CNTNAP3: variants seen among roughly 807,000 people sequenced by gnomAD.
CNTNAP3 encodes the protein contactin-associated protein-like 3.
CNTNAP3 carries 36 observed loss-of-function variants against 92.1 expected under a neutral mutation model. The observed-to-expected ratio is 0.39, with a 90% confidence interval of 0.30 to 0.52. The LOEUF is 0.52. Ranked by LOEUF, CNTNAP3 falls within the 20% of genes least tolerant of loss-of-function variation. CNTNAP3 has a pLI of 0.76. For missense variants in CNTNAP3, 534 were observed against 1,069.6 expected, an observed-to-expected ratio of 0.50 and a Z score of 6.98; for synonymous variants, 232 against 422.3, an observed-to-expected ratio of 0.55 and a Z score of 5.53.
intron 14 of CNTNAP3, among the ~76,000 whole-genome samples, chr9:39,117,021 C>T (rs1461740979): frequency 1.3e-5 from 2 of 151,846 alleles, no homozygotes; most frequent in Non-Finnish European, 2.9e-5. Context: ...GAGGTGGAGT[C>T]TTGCTCTGTC....
intron 18 of CNTNAP3, among the ~76,000 whole-genome samples, chr9:39,097,762 G>T (rs1826359889): frequency 6.9e-6 from 1 of 145,396 alleles, no homozygotes; most frequent in Admixed American, 6.8e-5. Flanking sequence ...GGGAGGTGCT[G>T]GGAGAGGGTC....
chr9:39,105,358 C>T (rs1410128179), intron 15 of CNTNAP3, among the ~76,000 whole-genome samples: 1 of 152,120 alleles, frequency 6.6e-6, no homozygotes, highest in Non-Finnish European at 1.5e-5. Flanking sequence ...ACCCGGGAGG[C>T]GGAGCTTGCA....
intron 23 of CNTNAP3, among the ~76,000 whole-genome samples, chr9:39,077,799 T>C (rs1361395752): frequency 6.6e-6 from 1 of 152,208 alleles, no homozygotes; most frequent in Non-Finnish European, 1.5e-5. Context: ...ATTTTCAAAT[T>C]AATAACTTTT....
chr9:39,134,010 A>G (rs1361642517), intron 12 of CNTNAP3, among the ~76,000 whole-genome samples: 1 of 152,226 alleles, frequency 6.6e-6, no homozygotes, highest in Non-Finnish European at 1.5e-5. Flanking sequence ...AAGAACTACG[A>G]AACAAAACAA....
intron 13 of CNTNAP3, among the ~76,000 whole-genome samples, chr9:39,121,607 G>T (rs1429060607): frequency 2.6e-5 from 4 of 152,162 alleles, no homozygotes; most frequent in Non-Finnish European, 5.9e-5. Context: ...TCTGGTAAAA[G>T]CACTTAGAAT....
intron 9 of CNTNAP3, 81 bp from the exon 10 acceptor site, chr9:39,150,058 G>T: frequency 1.0e-6 from 1 of 957,104 alleles, no homozygotes; most frequent in Non-Finnish European, 1.5e-6. Flanking sequence ...GAAGACTGCT[G>T]CTCCCGCTTG....
intron 21 of CNTNAP3, among the ~76,000 whole-genome samples, chr9:39,081,659 A>T (rs1202745071): frequency 6.6e-6 from 1 of 152,040 alleles, no homozygotes; most frequent in African/African-American, 2.4e-5. Flanking sequence ...AAGTCATGCC[A>T]AATAGACAGA....
In CNTNAP3 at chr9:39,069,769, C is replaced by T. The variant is rs1235229117; in HGVS notation, c.*4121G>A. Among the ~76,000 whole-genome samples the T allele has an allele frequency of 6.6e-6, 1 of 152,306 alleles. No homozygotes were observed. Among genetic ancestry groups the T allele is most frequent in the Non-Finnish European group, 1.5e-5 (1 of 68,054 alleles). ...CTTAAACCGTGAGTGGCTGTTCTGA[C>T]AACACATCAGCAATGAACTTAGCCT... On this transcript the variant is annotated 3_prime_UTR_variant, in exon 24 of 24. Transcript: ENST00000297668.
intron 14 of CNTNAP3, chr9:39,117,830 T>C: frequency 2.1e-6 from 1 of 476,894 alleles, no homozygotes; most frequent in Non-Finnish European, 3.7e-6. Flanking sequence ...GAGAATGATA[T>C]TTGATTTCCA....
chr9:39,138,575 C>T (rs191475042), intron 12 of CNTNAP3, among the ~76,000 whole-genome samples: 85 of 152,318 alleles, frequency 5.6e-4, no homozygotes, highest in African/African-American at 1.9e-3. Flanking sequence ...CAAGATGGTT[C>T]CTTTTCACCT....
At chr9:39,110,920 A>C (rs1268534962) in intron 14 of CNTNAP3, among the ~76,000 whole-genome samples, 1 of 152,128 alleles carries the variant, frequency 6.6e-6, no homozygotes, top group Non-Finnish European at 1.5e-5. Context: ...TAAATACTGT[A>C]TTTTTTAAAT....
intron 15 of CNTNAP3, among the ~76,000 whole-genome samples, chr9:39,106,260 AT>A (rs1396484302): frequency 5.9e-5 from 9 of 152,154 alleles, no homozygotes; most frequent in Non-Finnish European, 8.8e-5. Flanking sequence ...AGAAGAGAAT[AT>A]TTTATTTTTC....
intron 14 of CNTNAP3, among the ~76,000 whole-genome samples, chr9:39,114,955 C>T (rs1820819678): frequency 6.6e-6 from 1 of 150,580 alleles, no homozygotes; most frequent in African/African-American, 2.4e-5. Context: ...TACATTTATA[C>T]ACATATATTG....
intron 13 of CNTNAP3, among the ~76,000 whole-genome samples, chr9:39,121,300 A>G (rs1352118807): frequency 6.6e-6 from 1 of 152,134 alleles, no homozygotes; most frequent in East Asian, 1.9e-4. Context: ...ATACTAGAAC[A>G]GGGACATTAC....
chr9:39,143,218 G>A (rs60305872), intron 11 of CNTNAP3, among the ~76,000 whole-genome samples: 1,741 of 150,462 alleles, frequency 0.012, 30 homozygotes, highest in African/African-American at 0.04. Flanking sequence ...TATGGCAGAG[G>A]CAGTTGAGAA....
chr9:39,125,866 A>G lies in CNTNAP3; in HGVS notation c.2080+7066T>C, dbSNP rs572668553. 1.8e-3 allele frequency among the ~76,000 whole-genome samples: 273 copies of G among 152,292 alleles called. No individual in the cohort carries two copies. The Middle Eastern group carries it at 0.024, about 13-fold the overall frequency. On this transcript the variant is annotated intron_variant, in intron 13 of 23. Transcript: ENST00000297668. The stretch of plus-strand genomic sequence containing the variant: ...CTGATAGAACTGCAAGGACAGAGAG[A>G]CACATCCATTATTACCACTGGAGAC...
rs556917592 is a variant in CNTNAP3 at position 39,130,697 on chromosome 9, T to G, written c.2080+2235A>C. 9.5e-4 allele frequency among the ~76,000 whole-genome samples: 145 copies of G among 152,136 alleles called. No homozygotes were observed. The South Asian group carries it at 0.018, about 19-fold the overall frequency. On this transcript the variant is annotated intron_variant, in intron 13 of 23. Transcript: ENST00000297668. ...TTTTTTGTATTTTTAGTAGAGACGG[T>G]GTTTCATCATGTTAGCCAGGATGGT...
intron 10 of CNTNAP3, among the ~76,000 whole-genome samples, chr9:39,149,091 A>G (rs2118135610): frequency 6.6e-6 from 1 of 152,126 alleles, no homozygotes; most frequent in Non-Finnish European, 1.5e-5. Flanking sequence ...TTATGATTCA[A>G]ACTTTTCTAG....
intron 13 of CNTNAP3, among the ~76,000 whole-genome samples, 162 bp downstream of exon 13, chr9:39,132,770 T>C (rs1157441715): frequency 6.6e-6 from 1 of 152,202 alleles, no homozygotes; most frequent in East Asian, 1.9e-4. Flanking sequence ...TTGAATGCTC[T>C]TTGGTCCAAC....
Sources: gnomAD v4.1 joint callset for allele counts (sites outside exome capture counted in the v4.1 genomes callset) on GRCh38, gnomAD v4.1.1 for gene constraint, MANE v1.5 for transcripts, NCBI Gene and HGNC (gene_info 2026-07-23, HGNC 2026-07-21) for gene names.